Variants in POLD3 observed in about 807,000 individuals in gnomAD.
The protein encoded by POLD3 is DNA polymerase delta 3, accessory subunit.
A neutral mutation model predicts 58.2 loss-of-function variants in POLD3; 19 were observed. The ratio of observed to expected loss-of-function variants is 0.33; its 90% confidence interval spans 0.23 to 0.48. The LOEUF (loss-of-function observed/expected upper bound fraction) is 0.48, where lower values mean the gene tolerates loss of function less well. Ranked by LOEUF, POLD3 falls within the 20% of genes least tolerant of loss-of-function variation. The probability of loss-of-function intolerance (pLI) is 0.99; values close to 1 mark genes in which losing one functional copy is unlikely to be tolerated. For synonymous variants in POLD3, 172 were observed against 193.5 expected, an observed-to-expected ratio of 0.89 and a Z score of 0.92; for missense variants, 504 against 545.5, an observed-to-expected ratio of 0.92 and a Z score of 0.76.
intron 7 of POLD3, among the ~76,000 whole-genome samples, chr11:74,621,928 G>T (rs573076556): frequency 4.6e-4 from 70 of 151,846 alleles, no homozygotes; most frequent in African/African-American, 1.6e-3. Context: ...GTGCACGTTA[G>T]TTACATATGT....
chr11:74,628,012 AG>A (rs1420900048), intron 8 of POLD3, among the ~76,000 whole-genome samples: 1 of 152,152 alleles, frequency 6.6e-6, no homozygotes, highest in African/African-American at 2.4e-5. Flanking sequence ...TTTGTGGGAA[AG>A]GTTTTTATTG....
At chr11:74,639,245 C>G (rs1025871156) in intron 11 of POLD3, among the ~76,000 whole-genome samples, 3 of 152,074 alleles carry the variant, frequency 2.0e-5, no homozygotes, top group South Asian at 2.1e-4. Context: ...TTTAACAAGC[C>G]CTCCAGGTGG....
chr11:74,642,676 T>C lies in POLD3; in HGVS notation c.*1910T>C, dbSNP rs923879269. The C allele has an allele frequency of 3.7e-5, 36 of 975,880 alleles. No individual in the cohort carries two copies. The highest frequency in any genetic ancestry group is 4.4e-5 in the Non-Finnish European group (36 of 821,550). The allele number at this position is 975,880 out of a possible 1,614,324, so 60.5% of individuals were successfully genotyped here. On this transcript the variant is annotated 3_prime_UTR_variant, in exon 12 of 12. Coordinates refer to ENST00000263681, the MANE Select transcript of POLD3 (RefSeq NM_006591.3). ...GTGTTTTTTTTTTCTTTTTATACAATACCATGTTAACCACATGAGTTAAAT... is the reference window on the plus strand; with the variant it reads ...GTGTTTTTTTTTTCTTTTTATACAACACCATGTTAACCACATGAGTTAAAT...
chr11:74,646,796 T>G (rs186687353), downstream of POLD3, among the ~76,000 whole-genome samples: 12 of 152,320 alleles, frequency 7.9e-5, no homozygotes, highest in Admixed American at 5.2e-4. Context: ...CAGGGTGGTG[T>G]TCTCCACTTT....
intron 4 of POLD3, among the ~76,000 whole-genome samples, chr11:74,661,588 C>T (rs2135200240): frequency 6.6e-6 from 1 of 152,304 alleles, no homozygotes; most frequent in East Asian, 1.9e-4. Flanking sequence ...AGTGGGGTGA[C>T]ACAAACACCC....
At position 74,663,113 on chromosome 11, in the gene POLD3, TA is replaced by T. The variant is rs1261021003; in HGVS notation, c.370-5661del. Among the ~76,000 whole-genome samples the T allele has an allele frequency of 2.0e-5, 3 of 152,242 alleles. No individual in the cohort carries two copies. The East Asian group carries it at 5.8e-4, about 29-fold the overall frequency. The stretch of plus-strand genomic sequence containing the variant: ...TTGCTTACCTGATTTTTGGTTCCTA[TA>T]AAGGTGCTTTTCTTATGTAAATAGT... On this transcript the variant is annotated intron_variant, in intron 4 of 4. Transcript: ENST00000524752.
In POLD3 at chr11:74,620,024, C is replaced by T. The variant is rs1288108898; in HGVS notation, c.668C>T (p.Ala223Val). ...TGTTTTCTGTGCTTGTAGGCATCTG[C>T]AGCAGGCAACAAGGCACCAGGGAAA... ...TEAKEVTNASAAGNKAPGKGN... is the reference protein window; with the variant it reads ...TEAKEVTNASVAGNKAPGKGN... The change falls in exon 7 of 12, where the codon GCA becomes GTA. Residue 223 changes from alanine to valine, a missense_variant. Physicochemically the swap from Ala to Val is moderately conservative, Grantham distance 64. Around this residue, in one of 2 missense-constraint regions of POLD3, gnomAD observed 385 missense variants for 370.5 expected, o/e 1.04. Coordinates refer to ENST00000263681, the MANE Select transcript of POLD3 (RefSeq NM_006591.3). 2.5e-6 allele frequency: 4 copies of T among 1,613,342 alleles called. No homozygotes were observed.
chr11:74,661,246 T>G (rs1194767438), intron 4 of POLD3, among the ~76,000 whole-genome samples: 1 of 152,202 alleles, frequency 6.6e-6, no homozygotes, highest in African/African-American at 2.4e-5. Flanking sequence ...CTGGATGTCT[T>G]GATGCTTGTG....
At chr11:74,648,546 G>T (rs61900636) in intron 4 of POLD3, among the ~76,000 whole-genome samples, 15,667 of 152,192 alleles carry the variant, frequency 0.1, 932 homozygotes, top group Middle Eastern at 0.17. Context: ...ATAGGAGTTT[G>T]CCAGATGGAA....
At chr11:74,613,038 T>C (rs56100451) in intron 5 of POLD3, 28 bp downstream of exon 5, 4 of 1,590,514 alleles carry the variant, frequency 2.5e-6, no homozygotes, top group Non-Finnish European at 3.4e-6. Flanking sequence ...CCTTGTGGGC[T>C]TCTTTACGAA....
intron 3 of POLD3, among the ~76,000 whole-genome samples, chr11:74,607,568 A>AT (rs1242474430): frequency 2.0e-5 from 3 of 150,546 alleles, no homozygotes; most frequent in Admixed American, 6.6e-5. Context: ...GCCTGGACTT[A>AT]TTTTTATTTT....
At chr11:74,617,309 G>C (rs1270095640) in intron 5 of POLD3, among the ~76,000 whole-genome samples, 1 of 152,208 alleles carries the variant, frequency 6.6e-6, no homozygotes, top group Admixed American at 6.5e-5. Flanking sequence ...TACTTGTCCG[G>C]TGCTGTTAGT....
At chr11:74,667,592 T>A (rs2033288174) in intron 4 of POLD3, among the ~76,000 whole-genome samples, 1 of 151,022 alleles carries the variant, frequency 6.6e-6, no homozygotes, top group African/African-American at 2.5e-5. Context: ...TAAATAAAAT[T>A]TAAAAATTTA....
At chr11:74,594,842 C>G (rs151225470) in intron 2 of POLD3, among the ~76,000 whole-genome samples, 1 of 151,914 alleles carries the variant, frequency 6.6e-6, no homozygotes, top group Non-Finnish European at 1.5e-5. Flanking sequence ...CTTGTAAAAC[C>G]GTCAGATTTC....
intron 3 of POLD3, among the ~76,000 whole-genome samples, chr11:74,610,148 T>C (rs1393112692): frequency 6.6e-6 from 1 of 152,144 alleles, no homozygotes; most frequent in East Asian, 1.9e-4. Flanking sequence ...TATGTTATAA[T>C]ATGTTTTAGG....
chr11:74,642,941 T>C lies in POLD3; in HGVS notation c.*2175T>C, dbSNP rs2032952468. On this transcript the variant is annotated 3_prime_UTR_variant, in exon 12 of 12. Coordinates refer to ENST00000263681, the MANE Select transcript of POLD3 (RefSeq NM_006591.3). ...TCAGCCAACCTCATTTTTTAGTTCA[T>C]CTAGAAGAAAATCTAGCACATTGTA... 1.0e-6 allele frequency: 1 copy of C among 985,220 alleles called. No homozygotes were observed. The highest frequency in any genetic ancestry group is 1.7e-5 in the African/African-American group (1 of 57,236). 61.0% of individuals were successfully genotyped at this position (985,220 alleles called of 1,614,324 possible). A position where few individuals can be genotyped will look rare whatever the true frequency, so the allele number is the denominator to read the frequency against.
chr11:74,609,434 T>G (rs2031830330), intron 3 of POLD3, among the ~76,000 whole-genome samples: 1 of 137,090 alleles, frequency 7.3e-6, no homozygotes, highest in Non-Finnish European at 1.5e-5. Flanking sequence ...AGCATTGGAG[T>G]GCAGTGGCGT....
chr11:74,625,872 TGTG>T (rs1489407809), intron 8 of POLD3, among the ~76,000 whole-genome samples: 930 of 31,292 alleles, frequency 0.03, 5 homozygotes, highest in Non-Finnish European at 0.033. Flanking sequence ...TGTGCCTAGT[TGTG>T]TGTGTGTGTG....
rs765901396 is a variant in POLD3, at chr11:74,620,085, T to C, written c.729T>C (p.Ala243=). ...TGAGCAACTTTTTTGGAAAAGCTGC[T>C]ATGAGTAAGCATGTTCTTACCTCAC... is the stretch of plus-strand genomic sequence containing the variant. ...NMMSNFFGKA[A]MNKFKVNLDS... is the part of the protein sequence containing the mutation. Residue 243 remains alanine, a synonymous_variant, in exon 7 of 12, where the codon GCT becomes GCC. Coordinates refer to ENST00000263681, the MANE Select transcript of POLD3 (RefSeq NM_006591.3). 4.4e-6 allele frequency: 7 copies of C among 1,605,996 alleles called. No individual in the cohort carries two copies. Among genetic ancestry groups the C allele is most frequent in the South Asian group, 2.2e-5 (2 of 90,940 alleles).
Sources: allele counts gnomAD v4.1 joint callset (sites outside exome capture counted in the v4.1 genomes callset), GRCh38; gene constraint gnomAD v4.1.1; regional missense constraint gnomAD v4.1.1; transcripts MANE v1.5; gene names NCBI Gene and HGNC (gene_info 2026-07-23, HGNC 2026-07-21).